Variants in RAB7A observed in about 807,000 individuals in gnomAD.
The protein encoded by RAB7A is RAB7A, member RAS oncogene family.
RAB7A carries 2 observed loss-of-function variants against 24.5 expected under a neutral mutation model. That is an observed-to-expected ratio of 0.08 (90% CI 0.03 to 0.26). The LOEUF (loss-of-function observed/expected upper bound fraction) is 0.26. Ranked by LOEUF, RAB7A falls within the 10% of genes least tolerant of loss-of-function variation. RAB7A has a pLI of 1.00. For missense variants in RAB7A, 118 were observed against 255.7 expected (o/e 0.46, Z 3.67); for synonymous variants, 100 against 95.9 (o/e 1.04, Z -0.25).
chr3:128,800,832 A>G (rs1933682971), intron 3 of RAB7A, among the ~76,000 whole-genome samples: 1 of 152,228 alleles, frequency 6.6e-6, no homozygotes, highest in Admixed American at 6.5e-5. Context: ...AAGTGATTTC[A>G]TGTAGATGAG....
At chr3:128,772,796 T>G (rs539303718) in intron 1 of RAB7A, among the ~76,000 whole-genome samples, 6 of 152,372 alleles carry the variant, frequency 3.9e-5, no homozygotes, top group African/African-American at 1.2e-4. Flanking sequence ...TTCGCTGTGT[T>G]GGCCGGGCTG....
At chr3:128,799,250 T>C (rs1933644448) in intron 3 of RAB7A, 1 of 152,084 alleles carries the variant, frequency 6.6e-6, no homozygotes, top group South Asian at 2.1e-4. Flanking sequence ...TACTCACTTT[T>C]TTTTTTTTTG....
At chr3:128,769,303 A>C (rs1345580907) in intron 1 of RAB7A, among the ~76,000 whole-genome samples, 5 of 152,142 alleles carry the variant, frequency 3.3e-5, no homozygotes, top group Admixed American at 3.3e-4. Flanking sequence ...TATCCTTGCC[A>C]ACACAGCATG....
chr3:128,737,825 GTTTTT>G (rs56027163), intron 1 of RAB7A, among the ~76,000 whole-genome samples: 13 of 59,478 alleles, frequency 2.2e-4, no homozygotes, highest in African/African-American at 5.7e-4. Flanking sequence ...TTTTTTTGTA[GTTTTT>G]TTTTTTTTTT....
intron 1 of RAB7A, among the ~76,000 whole-genome samples, chr3:128,758,281 T>TG (rs570729459): frequency 1.4e-3 from 206 of 150,522 alleles, no homozygotes; most frequent in South Asian, 2.1e-3. Flanking sequence ...TTTGTTTTTT[T>TG]TTTTTTTTTG....
chr3:128,762,300 G>T (rs998032209), intron 1 of RAB7A, among the ~76,000 whole-genome samples: 4 of 152,108 alleles, frequency 2.6e-5, no homozygotes, highest in African/African-American at 9.7e-5. Flanking sequence ...AAAGAAAAGT[G>T]GAAATTTTAA....
At chr3:128,767,806 G>A (rs1157249366) in intron 1 of RAB7A, among the ~76,000 whole-genome samples, 1 of 152,218 alleles carries the variant, frequency 6.6e-6, no homozygotes, top group Non-Finnish European at 1.5e-5. Context: ...AGTGGCTGCT[G>A]CTTCCATGTC....
At position 128,756,180 on chromosome 3, in the gene RAB7A, A is replaced by G. The variant is rs1447376927; in HGVS notation, c.-9+29821A>G. On this transcript the variant is annotated intron_variant, in intron 1 of 5. Coordinates refer to ENST00000265062, the MANE Select transcript of RAB7A (RefSeq NM_004637.6). ...GTGAAACCCCGTCTCTACTAAAAAT[A>G]CAAAAATTACCTGGGTGTGGTGGCA... 2.6e-5 allele frequency among the ~76,000 whole-genome samples: 4 copies of G among 152,242 alleles called. No homozygotes were observed. In the East Asian group the frequency reaches 7.7e-4, roughly 29 times the overall value.
At chr3:128,799,242 C>G (rs1933643938) in intron 3 of RAB7A, 1 of 143,666 alleles carries the variant, frequency 7.0e-6, no homozygotes. Flanking sequence ...ATAGCTGTTA[C>G]TCACTTTTTT....
intron 1 of RAB7A, among the ~76,000 whole-genome samples, chr3:128,729,569 C>CA (rs71153142): frequency 0.011 from 1,073 of 96,952 alleles, 7 homozygotes; most frequent in South Asian, 0.02. Flanking sequence ...GACTTCTTCT[C>CA]AAAAAAAAAA....
intron 1 of RAB7A, among the ~76,000 whole-genome samples, chr3:128,787,149 A>T (rs894468148): frequency 3.3e-5 from 5 of 152,218 alleles, no homozygotes; most frequent in Non-Finnish European, 2.9e-5. Flanking sequence ...GGGTGGGAAC[A>T]GTGCAGGGGA....
At chr3:128,798,844 A>T in intron 3 of RAB7A, 1 of 246,852 alleles carries the variant, frequency 4.1e-6, no homozygotes, top group South Asian at 4.4e-5. Context: ...AAAAAAAAAA[A>T]AGAATCCCAG....
rs1286655113 is a variant in RAB7A, at chr3:128,772,202, T to C, written c.-8-23158T>C. On this transcript the variant is annotated intron_variant, in intron 1 of 5. Transcript: ENST00000265062. ...GGATTATCAAGACAGTTCATTTACT[T>C]ATCCATGGACAAGAGTGATTTGCAT... 3.9e-5 allele frequency among the ~76,000 whole-genome samples: 6 copies of C among 152,344 alleles called. No homozygotes were observed. The East Asian group carries it at 1.2e-3, about 29-fold the overall frequency.
intron 1 of RAB7A, among the ~76,000 whole-genome samples, chr3:128,776,279 C>CT (rs1348963771): frequency 6.7e-6 from 1 of 148,694 alleles, no homozygotes; most frequent in East Asian, 2.0e-4. Flanking sequence ...TTTTTTTTTT[C>CT]TTTTTTTACA....
intron 1 of RAB7A, among the ~76,000 whole-genome samples, chr3:128,763,363 C>G (rs891391284): frequency 1.3e-5 from 2 of 151,188 alleles, no homozygotes; most frequent in Non-Finnish European, 3.0e-5. Flanking sequence ...TACAGGCACC[C>G]GCCACCACGC....
intron 5 of RAB7A, among the ~76,000 whole-genome samples, chr3:128,810,683 AC>A (rs1235616001): frequency 6.6e-6 from 1 of 152,112 alleles, no homozygotes; most frequent in Non-Finnish European, 1.5e-5. Flanking sequence ...ACCTCATTTA[AC>A]CTTCATTCCT....
At chr3:128,734,643 G>A (rs1322098597) in intron 1 of RAB7A, among the ~76,000 whole-genome samples, 1 of 137,182 alleles carries the variant, frequency 7.3e-6, no homozygotes, top group Admixed American at 7.3e-5. Context: ...ATAGTAGATG[G>A]TGCTTTCATT....
intron 1 of RAB7A, among the ~76,000 whole-genome samples, chr3:128,741,080 T>C (rs914541605): frequency 6.6e-6 from 1 of 151,976 alleles, no homozygotes. Flanking sequence ...AAATTTTTTT[T>C]AACTTTCACT....
In RAB7A at chr3:128,730,192, C is replaced by T. The variant is rs112450124; in HGVS notation, c.-9+3833C>T. Among the ~76,000 whole-genome samples the T allele has an allele frequency of 6.6e-3, 1,010 of 152,154 alleles. 4 individuals are homozygous for T. The highest frequency in any genetic ancestry group is 0.014 in the Middle Eastern group (4 of 292). Reference sequence around the variant, plus strand: ...TTCTATTCTGTTTTTCCCCACACTCCATATGGCATTAAAGACAGAAAAATA... The same window carrying T: ...TTCTATTCTGTTTTTCCCCACACTCTATATGGCATTAAAGACAGAAAAATA... On this transcript the variant is annotated intron_variant, in intron 1 of 5. Coordinates refer to ENST00000265062, the MANE Select transcript of RAB7A (RefSeq NM_004637.6).
Sources: allele counts gnomAD v4.1 joint callset (sites outside exome capture counted in the v4.1 genomes callset), GRCh38; gene constraint gnomAD v4.1.1; transcripts MANE v1.5; gene names NCBI Gene and HGNC (gene_info 2026-07-23, HGNC 2026-07-21).